SCAF11: variants seen among roughly 807,000 people sequenced by gnomAD.
The protein encoded by SCAF11 is SR-related CTD associated factor 11.
A neutral mutation model predicts 140.5 loss-of-function variants in SCAF11; 47 were observed. That is an observed-to-expected ratio of 0.33 (90% CI 0.26 to 0.43). The LOEUF (loss-of-function observed/expected upper bound fraction) is 0.43. SCAF11 is among the 20% of genes least tolerant of loss of function. The pLI is 1.00. For missense variants in SCAF11, 1,645 were observed against 1,705.1 expected, an observed-to-expected ratio of 0.96 and a Z score of 0.62; for synonymous variants, 557 against 579.4, an observed-to-expected ratio of 0.96 and a Z score of 0.55.
At chr12:45,943,143 A>G (rs1026723469) in intron 6 of SCAF11, among the ~76,000 whole-genome samples, 3 of 152,216 alleles carry the variant, frequency 2.0e-5, no homozygotes, top group African/African-American at 7.2e-5. Flanking sequence ...ACCATGTTAG[A>G]CTTATCAAAT....
chr12:45,978,692 C>A (rs1459538976), intron 1 of SCAF11, among the ~76,000 whole-genome samples: 1 of 152,056 alleles, frequency 6.6e-6, no homozygotes, highest in Non-Finnish European at 1.5e-5. Flanking sequence ...TTAAGAAAAA[C>A]AGGAAAACTG....
intron 3 of SCAF11, chr12:45,961,405 C>A: frequency 1.5e-6 from 1 of 673,178 alleles, no homozygotes; most frequent in South Asian, 1.7e-5. Context: ...GAGTCAAGTA[C>A]ACTGAAAAAT....
intron 5 of SCAF11, among the ~76,000 whole-genome samples, chr12:45,945,782 C>T (rs1248073049): frequency 6.6e-6 from 1 of 152,070 alleles, no homozygotes; most frequent in Admixed American, 6.5e-5. Flanking sequence ...ATCCTCCCGC[C>T]TTGGCCTCCC....
chr12:45,991,287 G>A (rs1946604545), upstream of SCAF11, among the ~76,000 whole-genome samples: 1 of 152,236 alleles, frequency 6.6e-6, no homozygotes, highest in Non-Finnish European at 1.5e-5. Flanking sequence ...TTTGGGCCAG[G>A]TGCGCGGTGG....
At chr12:45,956,181 T>C (rs746230620) in intron 3 of SCAF11, 4 of 716,690 alleles carry the variant, frequency 5.6e-6, no homozygotes, top group African/African-American at 1.7e-5. Flanking sequence ...AGGCTGCTTA[T>C]AGATAGCTCC....
chr12:45,961,314 GA>G (rs1945820003), intron 3 of SCAF11: 1 of 715,604 alleles, frequency 1.4e-6, no homozygotes, highest in Non-Finnish European at 2.6e-6. Flanking sequence ...TAACCTATGT[GA>G]AAAGTCCCTG....
At chr12:45,957,732 C>T (rs1279355509) in intron 3 of SCAF11, among the ~76,000 whole-genome samples, 3 of 152,018 alleles carry the variant, frequency 2.0e-5, no homozygotes, top group African/African-American at 7.3e-5. Context: ...GAAAAGAATG[C>T]CAGCAGATAT....
At position 45,921,915 on chromosome 12, in the gene SCAF11, T is replaced by C. The variant is rs529218134; in HGVS notation, c.*133A>G. The C allele has an allele frequency of 5.7e-6, 6 of 1,045,146 alleles. No homozygotes were observed. The East Asian group carries it at 1.5e-4, about 25-fold the overall frequency. The allele number at this position is 1,045,146 out of a possible 1,614,324, so 64.7% of individuals were successfully genotyped here. On this transcript the variant is annotated 3_prime_UTR_variant, in exon 15 of 15. Transcript: ENST00000369367. ...TATATTTATTTAGAACAAAACATCA[T>C]ATCCTATGTTAAAAAAATAATTTTA...
At chr12:45,989,005 A>G (rs1055593286) in intron 1 of SCAF11, among the ~76,000 whole-genome samples, 1 of 152,238 alleles carries the variant, frequency 6.6e-6, no homozygotes, top group African/African-American at 2.4e-5. Flanking sequence ...AAAACAACAA[A>G]AACAAAAGGC....
At chr12:45,965,596 A>G (rs975315493) in intron 1 of SCAF11, among the ~76,000 whole-genome samples, 3 of 152,192 alleles carry the variant, frequency 2.0e-5, no homozygotes, top group Admixed American at 2.0e-4. Flanking sequence ...TTACAGGCAT[A>G]AGCCACTGCA....
At chr12:45,975,981 C>T (rs1354557035) in intron 1 of SCAF11, among the ~76,000 whole-genome samples, 1 of 152,138 alleles carries the variant, frequency 6.6e-6, no homozygotes, top group East Asian at 1.9e-4. Flanking sequence ...GAAGTAAACA[C>T]AAGTTGTTGG....
chr12:45,927,206 G>A lies in SCAF11; in HGVS notation c.2495C>T (p.Ser832Leu). The change falls in exon 11 of 15, where the codon TCA becomes TTA. Residue 832 changes from serine (S) to leucine (L), a missense_variant. Coordinates refer to ENST00000369367, the MANE Select transcript of SCAF11 (RefSeq NM_004719.3). ...ETGKESRKSQSPSPKNESARG... is the reference protein window; with the variant it reads ...ETGKESRKSQLPSPKNESARG... ...GGCTGACTCATTCTTAGGAGATGGTGATTGAGACTTCCTGCTTTCTTTCCC... is the reference window on the plus strand; with the variant it reads ...GGCTGACTCATTCTTAGGAGATGGTAATTGAGACTTCCTGCTTTCTTTCCC... The A allele has an allele frequency of 6.2e-7, 1 of 1,614,116 alleles. No individual in the cohort carries two copies. The highest frequency in any genetic ancestry group is 8.5e-7 in the Non-Finnish European group (1 of 1,180,010).
chr12:45,960,272 AT>A (rs1193326754), intron 3 of SCAF11, among the ~76,000 whole-genome samples: 2 of 152,094 alleles, frequency 1.3e-5, no homozygotes, highest in African/African-American at 4.8e-5. Flanking sequence ...ACACATTATA[AT>A]TTTCTTAGAG....
At chr12:45,929,933 C>T (rs1227811901) in intron 10 of SCAF11, 1 of 152,172 alleles carries the variant, frequency 6.6e-6, no homozygotes, top group Non-Finnish European at 1.5e-5. Flanking sequence ...AAAATTGAAA[C>T]AGTTTTTACT....
At chr12:45,932,143 C>G (rs970731245) in intron 9 of SCAF11, among the ~76,000 whole-genome samples, 2 of 152,052 alleles carry the variant, frequency 1.3e-5, no homozygotes, top group Admixed American at 1.3e-4. Flanking sequence ...ATCCTTCTCC[C>G]TCCTTTCCAG....
At position 45,928,444 on chromosome 12, in the gene SCAF11, T is replaced by C. The variant is rs140958548; in HGVS notation, c.1257A>G (p.Leu419=). 1 of 1,612,494 alleles carries C rather than the reference T, an allele frequency of 6.2e-7. No individual in the cohort carries two copies. Among genetic ancestry groups the C allele is most frequent in the African/African-American group, 1.3e-5 (1 of 74,886 alleles). ...CTACATCTGGTTGGTGCTCTTTTTC[T>C]AACACAGGTGATGTGTCAGATTCTG... The part of the protein sequence containing the change: ...ETAESDTSPV[L]EKEHQPDVDS... Residue 419 remains leucine, a synonymous_variant, in exon 11 of 15, where the codon TTA becomes TTG. Coordinates refer to ENST00000369367, the MANE Select transcript of SCAF11 (RefSeq NM_004719.3).
chr12:45,931,740 T>C (rs1268201539), intron 9 of SCAF11, 128 bp from the exon 10 acceptor site: 2 of 449,520 alleles, frequency 4.4e-6, no homozygotes, highest in South Asian at 1.3e-4. Flanking sequence ...TTTGCCCAAA[T>C]AGCTAAAAAT....
intron 6 of SCAF11, among the ~76,000 whole-genome samples, chr12:45,938,404 A>T (rs963664954): frequency 6.6e-6 from 1 of 152,100 alleles, no homozygotes; most frequent in Non-Finnish European, 1.5e-5. Flanking sequence ...CAGTAGAATC[A>T]CTTGAACCTG....
chr12:45,955,858 T>C (rs867478664), intron 3 of SCAF11: 1 of 346,800 alleles, frequency 2.9e-6, no homozygotes, highest in South Asian at 3.8e-5. Flanking sequence ...ATTGGCTTTA[T>C]GATACAGCTA....
Sources: allele counts gnomAD v4.1 joint callset (sites outside exome capture counted in the v4.1 genomes callset), GRCh38; gene constraint gnomAD v4.1.1; transcripts MANE v1.5; gene names NCBI Gene and HGNC (gene_info 2026-07-23, HGNC 2026-07-21).